Variants in GMDS observed in about 807,000 individuals in gnomAD.
The protein encoded by GMDS is GDP-mannose 4,6-dehydratase, also known as GDP-mannose 4,6 dehydratase.
A neutral mutation model predicts 49.9 loss-of-function variants in GMDS; 20 were observed. The ratio of observed to expected loss-of-function variants is 0.40; its 90% CI spans 0.28 to 0.58. The LOEUF is 0.58. Ranked by LOEUF, GMDS falls within the 20% of genes least tolerant of loss-of-function variation. The pLI is 0.42. For synonymous variants in GMDS, 177 were observed against 178.6 expected, an observed-to-expected ratio of 0.99 and a Z score of 0.07; for missense variants, 362 against 481.4, an observed-to-expected ratio of 0.75 and a Z score of 2.32.
intron 7 of GMDS, among the ~76,000 whole-genome samples, chr6:1,878,291 G>A (rs1170725183): frequency 6.8e-6 from 1 of 146,522 alleles, no homozygotes; most frequent in African/African-American, 2.6e-5. Context: ...CTCCAGCCTG[G>A]GTGACAGAGC....
intron 4 of GMDS, among the ~76,000 whole-genome samples, chr6:1,995,454 T>A (rs1163790411): frequency 1.3e-5 from 2 of 152,142 alleles, no homozygotes; most frequent in Non-Finnish European, 2.9e-5. Context: ...AAAACTCCAA[T>A]AGAGAGTGGC....
intron 1 of GMDS, among the ~76,000 whole-genome samples, chr6:2,134,237 C>A (rs1387902211): frequency 6.6e-6 from 1 of 152,190 alleles, no homozygotes; most frequent in Non-Finnish European, 1.5e-5. Context: ...CAGTTTGAAC[C>A]TCTATAGGAC....
chr6:1,819,792 T>A (rs1473046613), intron 7 of GMDS, among the ~76,000 whole-genome samples: 1 of 147,516 alleles, frequency 6.8e-6, no homozygotes, highest in African/African-American at 2.5e-5. Flanking sequence ...TATATATATA[T>A]ATATATCTAC....
chr6:2,091,340 ATTCTATC>A, intron 4 of GMDS, among the ~76,000 whole-genome samples: 1 of 152,218 alleles, frequency 6.6e-6, no homozygotes, highest in Non-Finnish European at 1.5e-5. Context: ...AGGAACTCAA[ATTCTATC>A]CATCCTCTTT....
chr6:1,688,198 G>A (rs1369198541), intron 9 of GMDS, among the ~76,000 whole-genome samples: 1 of 152,134 alleles, frequency 6.6e-6, no homozygotes, highest in Non-Finnish European at 1.5e-5. Context: ...AGAGGGAGGG[G>A]AGTCAATGTT....
intron 7 of GMDS, among the ~76,000 whole-genome samples, chr6:1,834,983 T>G (rs1756857040): frequency 6.6e-6 from 1 of 152,248 alleles, no homozygotes; most frequent in Non-Finnish European, 1.5e-5. Flanking sequence ...TTCCTACAGA[T>G]GCAAGCAAAT....
chr6:2,020,668 C>T lies in GMDS; in HGVS notation c.346-59702G>A, dbSNP rs115406145. Reference sequence around the variant, plus strand: ...AGCCCCTTAATGGCAAAAAAAAATGCTTACTGAAATAGAAATCCAGTGGGG... The same window carrying T: ...AGCCCCTTAATGGCAAAAAAAAATGTTTACTGAAATAGAAATCCAGTGGGG... On this transcript the variant is annotated intron_variant, in intron 4 of 10. Coordinates refer to ENST00000380815, the MANE Select transcript of GMDS (RefSeq NM_001500.4). Among the ~76,000 whole-genome samples, 609 of 151,888 alleles carry T rather than the reference C, an allele frequency of 4.0e-3. 8 individuals are homozygous for T. Among genetic ancestry groups the T allele is most frequent in the African/African-American group, 0.014 (577 of 41,448 alleles).
chr6:1,747,194 A>G (rs541314811), intron 7 of GMDS, among the ~76,000 whole-genome samples: 2 of 152,120 alleles, frequency 1.3e-5, no homozygotes, highest in Non-Finnish European at 2.9e-5. Context: ...GCATCACCAC[A>G]GCCGACTGAC....
intron 4 of GMDS, among the ~76,000 whole-genome samples, chr6:1,981,034 C>G (rs1332899900): frequency 6.6e-6 from 1 of 152,032 alleles, no homozygotes; most frequent in Non-Finnish European, 1.5e-5. Context: ...TGGGACACGG[C>G]TAAAGCTGTG....
In GMDS at chr6:2,245,312, C is replaced by A. The variant is rs1781815205; in HGVS notation, c.102+9G>T. 6.6e-7 allele frequency: 1 copy of A among 1,523,632 alleles called. No individual in the cohort carries two copies. Among genetic ancestry groups the A allele is most frequent in the Non-Finnish European group, 8.8e-7 (1 of 1,133,080 alleles). The allele number at this position is 1,523,632 out of a possible 1,614,324, so 94.4% of individuals were successfully genotyped here. ...GCCTCGGCCGGCGCGCCCCCGCCCC[C>A]GCACTCACCTGGCCTGTGATACCGG... On this transcript the variant is annotated intron_variant, in intron 1 of 10. Coordinates refer to ENST00000380815, the MANE Select transcript of GMDS (RefSeq NM_001500.4).
chr6:1,933,336 G>A (rs763086513), intron 6 of GMDS, among the ~76,000 whole-genome samples: 3 of 152,300 alleles, frequency 2.0e-5, no homozygotes, highest in Middle Eastern at 3.4e-3. Flanking sequence ...ATGCTACCAT[G>A]AGCGTTCATG....
intron 9 of GMDS, among the ~76,000 whole-genome samples, chr6:1,673,777 CT>C (rs1169143592): frequency 2.0e-5 from 3 of 151,918 alleles, no homozygotes; most frequent in African/African-American, 7.3e-5. Context: ...TGTCATATAG[CT>C]GGAATCATAC....
At chr6:1,654,969 G>T (rs1483738853) in intron 9 of GMDS, among the ~76,000 whole-genome samples, 2 of 150,434 alleles carry the variant, frequency 1.3e-5, no homozygotes, top group Non-Finnish European at 2.9e-5. Flanking sequence ...ACTGAGGCAG[G>T]AGAATCACTT....
chr6:2,208,083 A>G (rs1247509785), intron 1 of GMDS, among the ~76,000 whole-genome samples: 1 of 151,914 alleles, frequency 6.6e-6, no homozygotes, highest in East Asian at 1.9e-4. Flanking sequence ...TGTTAGGATT[A>G]GGTGAAGCTG....
At chr6:1,659,926 T>A (rs1475149536) in intron 9 of GMDS, among the ~76,000 whole-genome samples, 1 of 151,496 alleles carries the variant, frequency 6.6e-6, no homozygotes, top group Non-Finnish European at 1.5e-5. Context: ...TGTTAATATA[T>A]GTTAACCAGA....
At chr6:2,047,972 T>C (rs1035403640) in intron 4 of GMDS, among the ~76,000 whole-genome samples, 2 of 152,208 alleles carry the variant, frequency 1.3e-5, no homozygotes, top group Non-Finnish European at 2.9e-5. Context: ...TATATCAATG[T>C]TTCCATAATG....
intron 9 of GMDS, among the ~76,000 whole-genome samples, chr6:1,713,010 C>T (rs545803025): frequency 9.2e-5 from 14 of 152,302 alleles, no homozygotes; most frequent in Admixed American, 7.8e-4. Flanking sequence ...AAGGCCATGC[C>T]ATCATATCTG....
chr6:1,949,119 C>G (rs763602466), intron 6 of GMDS: 7 of 511,750 alleles, frequency 1.4e-5, no homozygotes, highest in Non-Finnish European at 1.8e-5. Flanking sequence ...AATACAGGAA[C>G]AGGGAAGAAA....
At chr6:2,167,726 A>G (rs1777738112) in intron 1 of GMDS, among the ~76,000 whole-genome samples, 1 of 152,056 alleles carries the variant, frequency 6.6e-6, no homozygotes, top group Admixed American at 6.6e-5. Flanking sequence ...ACCCAGCCCA[A>G]GCCAATCCTC....
Sources: gnomAD v4.1 joint callset for allele counts (sites outside exome capture counted in the v4.1 genomes callset) on GRCh38, gnomAD v4.1.1 for gene constraint, MANE v1.5 for transcripts, NCBI Gene and HGNC (gene_info 2026-07-23, HGNC 2026-07-21) for gene names.